USP26: variants seen among roughly 807,000 people sequenced by gnomAD.
USP26 encodes the protein ubiquitin specific peptidase 26.
For synonymous variants in USP26, 236 were observed against 240.6 expected (o/e 0.98, Z 0.18); for missense variants, 649 against 642.3 (o/e 1.01, Z -0.11).
At chrX:133,089,569 T>A in intron 4 of USP26, among the ~76,000 whole-genome samples, 1 of 111,519 alleles carries the variant, frequency 9.0e-6, no homozygotes, top group East Asian at 2.8e-4. Context: ...CAGTATAATC[T>A]ATGAGGAATG....
chrX:133,068,102 CA>C (rs2067518370), intron 5 of USP26, among the ~76,000 whole-genome samples: 1 of 111,605 alleles, frequency 9.0e-6, no homozygotes, highest in Non-Finnish European at 1.9e-5. Context: ...TCCCTTGCAG[CA>C]ATATGGATGG....
chrX:133,081,870 A>C (rs1016496421), intron 5 of USP26, among the ~76,000 whole-genome samples: 3 of 112,166 alleles, frequency 2.7e-5, no homozygotes, highest in African/African-American at 9.7e-5. Context: ...TTTAAAAAAA[A>C]CTGAGCGGCA....
At chrX:133,039,393 C>G (rs754402738) in intron 5 of USP26, among the ~76,000 whole-genome samples, 4 of 111,817 alleles carry the variant, frequency 3.6e-5, no homozygotes, top group African/African-American at 1.3e-4. Context: ...CAAAGGACTT[C>G]GTTATTTCTG....
Position 133,027,772 on chromosome X carries a change from C to T in USP26, c.449G>A (p.Ser150Asn), listed in dbSNP as rs2067359598. 13 of 1,210,054 alleles carry T rather than the reference C, an allele frequency of 1.1e-5. No individual in the cohort carries two copies. The highest frequency in any genetic ancestry group is 1.5e-5 in the Non-Finnish European group (13 of 894,376). ...CATCCTCTGAAGGACACCTGTCCCA[C>T]TTCCTTTTGCTATCTCAAAAGATTT... ...SSKSFEIAKG[S>N]GTGVLQRMPL... The change falls in exon 6 of 6, where the codon AGT becomes AAT. Residue 150 changes from serine to asparagine, a missense_variant. Physicochemically the swap from Ser to Asn is conservative, Grantham distance 46. Transcript: ENST00000511190.
chrX:133,035,607 G>A (rs1208565113), intron 5 of USP26, among the ~76,000 whole-genome samples: 1 of 111,698 alleles, frequency 9.0e-6, no homozygotes, highest in South Asian at 3.7e-4. Flanking sequence ...CATCCCACCT[G>A]CCTCCTTTAT....
At chrX:133,060,839 A>G (rs913779222) in intron 5 of USP26, among the ~76,000 whole-genome samples, 8 of 111,593 alleles carry the variant, frequency 7.2e-5, no homozygotes, top group Admixed American at 5.7e-4. Context: ...GGATTCAACT[A>G]AGGATCAAAA....
At chrX:133,047,404 G>A (rs1174129191) in intron 5 of USP26, among the ~76,000 whole-genome samples, 2 of 112,156 alleles carry the variant, frequency 1.8e-5, no homozygotes, top group Non-Finnish European at 3.8e-5. Context: ...ATTTCTTCTA[G>A]TACATAGGTT....
In USP26 at chrX:133,023,400, C is replaced by T. The variant is rs2067332568; in HGVS notation, c.*2079G>A. On this transcript the variant is annotated 3_prime_UTR_variant, in exon 6 of 6. Coordinates refer to ENST00000511190, the MANE Select transcript of USP26 (RefSeq NM_031907.3). ...CTGTACTAAAATATCAAGTTATTAG[C>T]ATCTTCACACTCCTTTCAAAACAAA... Among the ~76,000 whole-genome samples, 1 of 111,646 alleles carries T rather than the reference C, an allele frequency of 9.0e-6. No individual in the cohort carries two copies. The highest frequency in any genetic ancestry group is 9.6e-5 in the Admixed American group (1 of 10,454).
intron 5 of USP26, among the ~76,000 whole-genome samples, chrX:133,066,408 A>G (rs2067511929): frequency 8.9e-6 from 1 of 112,000 alleles, no homozygotes; most frequent in African/African-American, 3.2e-5. Flanking sequence ...AGCAGCCCAC[A>G]TAACCAAGAG....
At chrX:133,048,913 C>T (rs1030284067) in intron 5 of USP26, among the ~76,000 whole-genome samples, 2 of 111,552 alleles carry the variant, frequency 1.8e-5, no homozygotes, top group Non-Finnish European at 3.8e-5. Flanking sequence ...ATTTGGTGAG[C>T]CACCTATGCT....
intron 5 of USP26, among the ~76,000 whole-genome samples, chrX:133,033,021 T>C (rs1266052854): frequency 1.8e-5 from 2 of 110,374 alleles, no homozygotes; most frequent in African/African-American, 6.6e-5. Context: ...AAGTGGAGAG[T>C]TGAATGTTAG....
In USP26 at chrX:133,028,345, T is replaced by A. The variant is rs1043936526; in HGVS notation, c.-76-49A>T. On this transcript the variant is annotated intron_variant, in intron 5 of 5. Transcript: ENST00000511190. ...TAGTTCATTAGTTCTCTACACAGAA[T>A]GATCCTATTTCTAGTATTGGTTTTA... 8 of 813,143 alleles carry A rather than the reference T, an allele frequency of 9.8e-6. No individual in the cohort carries two copies. The African/African-American group carries it at 1.6e-4, about 17-fold the overall frequency. The allele number at this position is 813,143 out of a possible 1,213,427, so 67.0% of individuals were successfully genotyped here.
chrX:133,044,618 G>A (rs1202839978), intron 5 of USP26, among the ~76,000 whole-genome samples: 2 of 113,246 alleles, frequency 1.8e-5, no homozygotes, highest in Admixed American at 1.8e-4. Flanking sequence ...TCCCCGTGGG[G>A]CAGGCTCAGG....
intron 5 of USP26, among the ~76,000 whole-genome samples, chrX:133,029,806 C>T (rs1293235285): frequency 1.8e-5 from 2 of 111,746 alleles, no homozygotes; most frequent in Non-Finnish European, 3.8e-5. Flanking sequence ...AGTTAAGAGA[C>T]ATTCCTTTCT....
At chrX:133,048,240 G>T (rs1285887839) in intron 5 of USP26, among the ~76,000 whole-genome samples, 1 of 111,623 alleles carries the variant, frequency 9.0e-6, no homozygotes, top group African/African-American at 3.3e-5. Context: ...ATTTTGAAGA[G>T]CCAGTATTTG....
intron 5 of USP26, among the ~76,000 whole-genome samples, chrX:133,074,669 C>A (rs1450605900): frequency 1.8e-5 from 2 of 112,347 alleles, no homozygotes; most frequent in African/African-American, 6.5e-5. Flanking sequence ...ATGCTATGAT[C>A]TGGTATTTCT....
chrX:133,058,054 T>A (rs928788552), intron 5 of USP26, among the ~76,000 whole-genome samples: 1 of 99,720 alleles, frequency 1.0e-5, no homozygotes, highest in African/African-American at 3.7e-5. Flanking sequence ...ATTTTTTGTA[T>A]TTTTTTTCAG....
intron 5 of USP26, among the ~76,000 whole-genome samples, chrX:133,041,523 G>A (rs986224457): frequency 8.9e-6 from 1 of 112,053 alleles, no homozygotes; most frequent in Non-Finnish European, 1.9e-5. Context: ...CACCAGTGGA[G>A]GTTGCAGAAC....
chrX:133,048,332 A>G (rs1237994699), intron 5 of USP26, among the ~76,000 whole-genome samples: 1 of 111,949 alleles, frequency 8.9e-6, no homozygotes, highest in Non-Finnish European at 1.9e-5. Flanking sequence ...TATGACATGC[A>G]TAGTATAATT....
Sources: gnomAD v4.1 joint callset for allele counts (sites outside exome capture counted in the v4.1 genomes callset) on GRCh38, gnomAD v4.1.1 for gene constraint, MANE v1.5 for transcripts, NCBI Gene and HGNC (gene_info 2026-07-23, HGNC 2026-07-21) for gene names.